The following SLC44A5 variants were observed in gnomAD, a reference collection of about 807,000 sequenced individuals.
The protein encoded by SLC44A5 is solute carrier family 44 member 5.
In SLC44A5, 57 loss-of-function variants were observed where a neutral mutation model predicts 101.8. That is an observed-to-expected ratio of 0.56 (90% confidence interval 0.45 to 0.70). The LOEUF is 0.70. Among genes scored for constraint, SLC44A5 ranks in the 30% least tolerant of loss-of-function variants. The pLI is 0.00. For synonymous variants in SLC44A5, 281 were observed against 290.9 expected (o/e 0.97, Z 0.35); for missense variants, 737 against 853.1 (o/e 0.86, Z 1.70).
intron 3 of SLC44A5, chr1:75,357,175 G>T (rs778915301): frequency 1.1e-4 from 48 of 455,426 alleles, no homozygotes; most frequent in Non-Finnish European, 2.6e-5. Context: ...AGAAAGAAAA[G>T]AATTAACGTT....
intron 6 of SLC44A5, among the ~76,000 whole-genome samples, chr1:75,273,164 T>G (rs982355069): frequency 1.3e-5 from 2 of 152,114 alleles, no homozygotes; most frequent in Non-Finnish European, 2.9e-5. Context: ...GGAATTGAGT[T>G]CTTGATTTGA....
rs564225113 is a variant in SLC44A5, at chr1:75,597,422, T to C, written c.-70+13618A>G. On this transcript the variant is annotated intron_variant, in intron 1 of 23. Transcript: ENST00000370859. ...GCTAATCCTATTAAACTAACATTGA[T>C]ATTCTTCACTGAAATAGAAAAAAAT... is the stretch of plus-strand genomic sequence containing the variant. Among the ~76,000 whole-genome samples the C allele has an allele frequency of 3.3e-5, 5 of 152,192 alleles. No homozygotes were observed. The South Asian group carries it at 1.0e-3, about 32-fold the overall frequency.
At chr1:75,501,476 A>C (rs191138450) in intron 2 of SLC44A5, among the ~76,000 whole-genome samples, 64 of 152,344 alleles carry the variant, frequency 4.2e-4, no homozygotes, top group Non-Finnish European at 8.1e-4. Context: ...TACTTTTTCA[A>C]GGTAATCTCA....
chr1:75,626,603 G>A, the SLC44A5 span, among the ~76,000 whole-genome samples: 1 of 152,070 alleles, frequency 6.6e-6, no homozygotes, highest in African/African-American at 2.4e-5. Flanking sequence ...TCTTTTCCAT[G>A]TACATCCTCT....
At chr1:75,290,956 T>A (rs1653490647) in intron 5 of SLC44A5, among the ~76,000 whole-genome samples, 1 of 152,116 alleles carries the variant, frequency 6.6e-6, no homozygotes, top group African/African-American at 2.4e-5. Context: ...GGTCTATGAA[T>A]TGGAAGGAGA....
chr1:75,364,432 G>A (rs1659715349), intron 3 of SLC44A5, among the ~76,000 whole-genome samples: 1 of 152,146 alleles, frequency 6.6e-6, no homozygotes, highest in Non-Finnish European at 1.5e-5. Context: ...AAGATCTCAT[G>A]AGAAATCACT....
intron 3 of SLC44A5, among the ~76,000 whole-genome samples, chr1:75,345,172 C>T (rs930663838): frequency 7.3e-5 from 11 of 150,342 alleles, no homozygotes; most frequent in East Asian, 1.9e-4. Flanking sequence ...AGAAGTGCAC[C>T]GATGTGAAAA....
In SLC44A5 at chr1:75,263,737, C is replaced by T. The variant is rs540899625; in HGVS notation, c.260+11221G>A. 2.0e-5 allele frequency among the ~76,000 whole-genome samples: 3 copies of T among 152,228 alleles called. No homozygotes were observed. The East Asian group carries it at 5.8e-4, about 29-fold the overall frequency. On this transcript the variant is annotated intron_variant, in intron 6 of 23. Transcript: ENST00000370859. The stretch of plus-strand genomic sequence containing the variant: ...AAAGACTTGGAACCCACCCAAATGC[C>T]CATCAGTGATAGACTGGATAAAGAA...
rs17096818 is a variant in SLC44A5, at chr1:75,398,424, G to A, written c.14-1803C>T. ...AAGCATGTCAGTAATCTCAGACCCT[G>A]CCAATGAGAGGAGAAGGGAACTGGT... On this transcript the variant is annotated intron_variant, in intron 2 of 23. Transcript: ENST00000370859. 2,891 of 984,626 alleles carry A rather than the reference G, an allele frequency of 2.9e-3. 67 individuals carry two copies. In the African/African-American group the frequency reaches 0.047, roughly 16 times the overall value. The allele number at this position is 984,626 out of a possible 1,614,324, so 61.0% of individuals were successfully genotyped here.
intron 1 of SLC44A5, among the ~76,000 whole-genome samples, chr1:75,567,954 T>A (rs1672874550): frequency 6.6e-6 from 1 of 152,220 alleles, no homozygotes; most frequent in Non-Finnish European, 1.5e-5. Context: ...TAGCTATTGC[T>A]ACCCCATGGC....
At chr1:75,633,859 G>T in the SLC44A5 span, among the ~76,000 whole-genome samples, 1 of 152,104 alleles carries the variant, frequency 6.6e-6, no homozygotes, top group Non-Finnish European at 1.5e-5. Flanking sequence ...CTGTGGGTTT[G>T]TCACAGATAG....
intron 2 of SLC44A5, among the ~76,000 whole-genome samples, chr1:75,434,146 C>A (rs1482608484): frequency 6.6e-6 from 1 of 152,122 alleles, no homozygotes; most frequent in African/African-American, 2.4e-5. Flanking sequence ...GTGTTCTCAC[C>A]TTAGCCGAAT....
rs1454429463 is a variant in SLC44A5, at chr1:75,218,483, A to G, written c.1529+7T>C. On this transcript the variant is annotated splice_region_variant and intron_variant, in intron 17 of 23. Transcript: ENST00000370859. ...AAGATAGGTGTAGGCTTCAACTTGAAACTTACCGTATGGCTCGTCCAAATG... is the reference window on the plus strand; with the variant it reads ...AAGATAGGTGTAGGCTTCAACTTGAGACTTACCGTATGGCTCGTCCAAATG... 12 of 1,613,464 alleles carry G rather than the reference A, an allele frequency of 7.4e-6. No individual in the cohort carries two copies. The highest frequency in any genetic ancestry group is 1.0e-5 in the Non-Finnish European group (12 of 1,179,482).
chr1:75,356,599 T>G (rs1659098509), intron 3 of SLC44A5, among the ~76,000 whole-genome samples: 1 of 152,082 alleles, frequency 6.6e-6, no homozygotes, highest in South Asian at 2.1e-4. Flanking sequence ...ATTATACATT[T>G]TTAATAAATT....
At chr1:75,339,183 T>C (rs1015381672) in intron 4 of SLC44A5, among the ~76,000 whole-genome samples, 1 of 152,134 alleles carries the variant, frequency 6.6e-6, no homozygotes, top group Non-Finnish European at 1.5e-5. Context: ...CACAAATACT[T>C]GGCTTGGAAG....
intron 1 of SLC44A5, among the ~76,000 whole-genome samples, chr1:75,565,944 G>T (rs1672763388): frequency 6.6e-6 from 1 of 152,074 alleles, no homozygotes; most frequent in African/African-American, 2.4e-5. Flanking sequence ...AATATTGAAG[G>T]TGTTATTTTT....
At chr1:75,404,565 T>G (rs1662723719) in intron 2 of SLC44A5, among the ~76,000 whole-genome samples, 2 of 152,070 alleles carry the variant, frequency 1.3e-5, no homozygotes, top group African/African-American at 4.8e-5. Context: ...AGAAAAGAAT[T>G]TTCAACCCAG....
intron 2 of SLC44A5, among the ~76,000 whole-genome samples, chr1:75,464,221 CAAAAAAAAAAAA>C (rs57630961): frequency 5.7e-5 from 3 of 52,236 alleles, no homozygotes; most frequent in South Asian, 7.5e-4. Flanking sequence ...GACTCTGTCT[CAAAAAAAAAAAA>C]AAAAAAAAAA....
At chr1:75,459,084 A>G (rs1666349134) in intron 2 of SLC44A5, among the ~76,000 whole-genome samples, 1 of 152,156 alleles carries the variant, frequency 6.6e-6, no homozygotes, top group African/African-American at 2.4e-5. Flanking sequence ...CCCCGGAGAA[A>G]TCACTTTAAT....
Sources: gnomAD v4.1 joint callset for allele counts (sites outside exome capture counted in the v4.1 genomes callset) on GRCh38, gnomAD v4.1.1 for gene constraint, MANE v1.5 for transcripts, NCBI Gene and HGNC (gene_info 2026-07-23, HGNC 2026-07-21) for gene names.